Variants in OR9Q1 observed in about 807,000 individuals in gnomAD.
OR9Q1 encodes the protein olfactory receptor 9Q1.
For synonymous variants in OR9Q1, 153 were observed against 148.6 expected (o/e 1.03, Z -0.22); for missense variants, 374 against 378.8 (o/e 0.99, Z 0.11).
intron 2 of OR9Q1, among the ~76,000 whole-genome samples, chr11:58,132,416 C>T (rs970584844): frequency 3.9e-5 from 6 of 152,128 alleles, no homozygotes; most frequent in East Asian, 3.8e-4. Flanking sequence ...TTCTGAGCCT[C>T]GGTTTCCTCA....
chr11:58,090,253 T>C (rs1345948630), intron 2 of OR9Q1, among the ~76,000 whole-genome samples: 1 of 152,236 alleles, frequency 6.6e-6, no homozygotes, highest in Non-Finnish European at 1.5e-5. Context: ...TTCCGGCTTT[T>C]GCCCATTCAG....
At chr11:58,177,408 G>A (rs2513715) in intron 2 of OR9Q1, among the ~76,000 whole-genome samples, 35,241 of 152,034 alleles carry the variant, frequency 0.23, 5,084 homozygotes, top group African/African-American at 0.4. Context: ...TTTCTTTCTT[G>A]GTTTCTTTAT....
intron 2 of OR9Q1, among the ~76,000 whole-genome samples, chr11:58,102,600 T>A (rs1853795159): frequency 6.6e-6 from 1 of 152,080 alleles, no homozygotes; most frequent in Non-Finnish European, 1.5e-5. Context: ...TCATTTCATT[T>A]TCTCTTGGCC....
intron 2 of OR9Q1, among the ~76,000 whole-genome samples, chr11:58,057,397 A>C (rs1853338921): frequency 6.6e-6 from 1 of 152,140 alleles, no homozygotes; most frequent in South Asian, 2.1e-4. Flanking sequence ...CCTCTAGCTG[A>C]AAACCTAGTG....
chr11:58,118,765 T>G, intron 2 of OR9Q1: 1 of 1,614,058 alleles, frequency 6.2e-7, no homozygotes, highest in Non-Finnish European at 8.5e-7. Context: ...AGACTTCACT[T>G]TCAAAATGGT....
At chr11:58,142,697 T>C (rs968041124) in intron 2 of OR9Q1, among the ~76,000 whole-genome samples, 1 of 152,176 alleles carries the variant, frequency 6.6e-6, no homozygotes, top group African/African-American at 2.4e-5. Flanking sequence ...ATTCACTATG[T>C]TCATTACTCT....
intron 2 of OR9Q1, among the ~76,000 whole-genome samples, chr11:58,158,424 T>C (rs1854428104): frequency 5.1e-5 from 2 of 39,356 alleles, no homozygotes. Context: ...AGGTCTGCTT[T>C]TTTTTTTTTT....
intron 1 of OR9Q1, among the ~76,000 whole-genome samples, chr11:58,028,654 C>T (rs72917859): frequency 0.16 from 24,343 of 151,944 alleles, 2,083 homozygotes; most frequent in Non-Finnish European, 0.2. Context: ...AGGTTGCAAA[C>T]GAGATAAATG....
intron 1 of OR9Q1, among the ~76,000 whole-genome samples, chr11:58,032,982 G>A (rs10896692): frequency 0.26 from 39,651 of 152,102 alleles, 5,731 homozygotes; most frequent in East Asian, 0.6. Flanking sequence ...AGATATCCAA[G>A]TTGTAAACAA....
chr11:58,148,652 G>A (rs773503752), intron 2 of OR9Q1, among the ~76,000 whole-genome samples: 1 of 152,140 alleles, frequency 6.6e-6, no homozygotes, highest in Non-Finnish European at 1.5e-5. Flanking sequence ...TTGGTTTGAA[G>A]GTTTTTCCTG....
Position 58,179,558 on chromosome 11 carries a change from C to T in OR9Q1, c.114C>T (p.Thr38=), listed in dbSNP as rs201856647. The T allele has an allele frequency of 3.2e-4, 516 of 1,613,108 alleles. 2 individuals carry two copies. The highest frequency in any genetic ancestry group is 2.5e-4 in the Admixed American group (15 of 59,946). Residue 38 remains threonine (T), a synonymous_variant, in exon 3 of 3, where the codon ACC becomes ACT. Transcript: ENST00000335397. ...TGTTTTTATTTATGTATCTCATCAC[C>T]GTATTGGGGAACTTAGAGATGATTA... ...FLLFLFMYLI[T]VLGNLEMIIL...
At chr11:58,046,347 C>G (rs868702821) in intron 1 of OR9Q1, among the ~76,000 whole-genome samples, 15 of 152,272 alleles carry the variant, frequency 9.9e-5, no homozygotes, top group Admixed American at 3.9e-4. Flanking sequence ...ATATGCCTGA[C>G]TAAGGTGAGA....
intron 2 of OR9Q1, among the ~76,000 whole-genome samples, chr11:58,142,724 A>G (rs1028333813): frequency 6.6e-5 from 10 of 152,188 alleles, no homozygotes; most frequent in African/African-American, 2.4e-4. Context: ...TCAAGATTCA[A>G]AGGCACAGAG....
At chr11:58,090,392 A>T (rs1249662912) in intron 2 of OR9Q1, among the ~76,000 whole-genome samples, 2 of 152,138 alleles carry the variant, frequency 1.3e-5, no homozygotes, top group Non-Finnish European at 2.9e-5. Flanking sequence ...ATCTGCTTCT[A>T]TTGAGGTAAT....
At chr11:58,046,478 G>T (rs1406753090) in intron 1 of OR9Q1, among the ~76,000 whole-genome samples, 1 of 152,162 alleles carries the variant, frequency 6.6e-6, no homozygotes, top group Non-Finnish European at 1.5e-5. Flanking sequence ...TGCTATTGTT[G>T]CTCAGTGAAG....
chr11:58,029,609 CTTGTA>C (rs1853009477), intron 1 of OR9Q1, among the ~76,000 whole-genome samples: 1 of 151,998 alleles, frequency 6.6e-6, no homozygotes, highest in Non-Finnish European at 1.5e-5. Flanking sequence ...CTTTGGAACT[CTTGTA>C]TTATCTGTTT....
intron 2 of OR9Q1, among the ~76,000 whole-genome samples, chr11:58,095,371 A>T (rs1166610393): frequency 1.3e-5 from 2 of 152,284 alleles, no homozygotes; most frequent in Middle Eastern, 3.4e-3. Flanking sequence ...CCCTCCCTAG[A>T]TCCTTGTGTC....
intron 1 of OR9Q1, chr11:58,031,463 A>C: frequency 6.2e-7 from 1 of 1,614,114 alleles, no homozygotes; most frequent in South Asian, 1.1e-5. Context: ...GTCTCAGCTA[A>C]CATTTTATGG....
chr11:58,163,667 G>A (rs1398024208), intron 2 of OR9Q1, among the ~76,000 whole-genome samples: 1 of 152,186 alleles, frequency 6.6e-6, no homozygotes, highest in African/African-American at 2.4e-5. Flanking sequence ...CCTGATTCCA[G>A]GGAGGGCAAA....
Sources: gnomAD v4.1 joint callset for allele counts (sites outside exome capture counted in the v4.1 genomes callset) on GRCh38, gnomAD v4.1.1 for gene constraint, MANE v1.5 for transcripts, NCBI Gene and HGNC (gene_info 2026-07-23, HGNC 2026-07-21) for gene names.